Variants in EPHA3 observed in about 807,000 individuals in gnomAD.
EPHA3 encodes EPH receptor A3.
EPHA3 carries 42 observed loss-of-function variants against 107.1 expected under a neutral mutation model. The ratio of observed to expected loss-of-function variants is 0.39; its 90% CI spans 0.31 to 0.51. The LOEUF is 0.51. EPHA3 is among the 20% of genes least tolerant of loss of function. EPHA3 has a pLI of 0.78. For synonymous variants in EPHA3, 461 were observed against 424.8 expected, an observed-to-expected ratio of 1.09 and a Z score of -1.05; for missense variants, 1,183 against 1,211.2, an observed-to-expected ratio of 0.98 and a Z score of 0.35.
chr3:89,448,130 A>G (rs1293100643), intron 13 of EPHA3, among the ~76,000 whole-genome samples: 1 of 152,122 alleles, frequency 6.6e-6, no homozygotes, highest in East Asian at 1.9e-4. Context: ...CACGTTCCAC[A>G]TTACGGTGGC....
intron 5 of EPHA3, among the ~76,000 whole-genome samples, chr3:89,390,482 C>A (rs958388501): frequency 6.6e-6 from 1 of 151,840 alleles, no homozygotes; most frequent in African/African-American, 2.4e-5. Flanking sequence ...CGCCTGTAAT[C>A]CCAGCTACTC....
chr3:89,149,915 A>T (rs2107040102), intron 2 of EPHA3, among the ~76,000 whole-genome samples: 1 of 152,106 alleles, frequency 6.6e-6, no homozygotes, highest in East Asian at 1.9e-4. Flanking sequence ...AGCTGTTATA[A>T]TAAACAAATT....
chr3:89,345,194 A>G (rs1434875819), intron 5 of EPHA3, among the ~76,000 whole-genome samples: 2 of 151,272 alleles, frequency 1.3e-5, no homozygotes, highest in Non-Finnish European at 3.0e-5. Context: ...TCAGACTAGA[A>G]TAAGGAGCAC....
intron 3 of EPHA3, among the ~76,000 whole-genome samples, chr3:89,219,753 G>GGCTGGAGT (rs1445272405): frequency 1.9e-5 from 2 of 103,790 alleles, no homozygotes; most frequent in African/African-American, 7.1e-5. Flanking sequence ...CTGTCGCCCA[G>GGCTGGAGT]GCTGGAGTGC....
At chr3:89,241,327 G>GGT (rs1704891197) in intron 3 of EPHA3, among the ~76,000 whole-genome samples, 2 of 152,156 alleles carry the variant, frequency 1.3e-5, no homozygotes, top group African/African-American at 4.8e-5. Flanking sequence ...ACCTACTGTA[G>GGT]CTAAATATTA....
intron 13 of EPHA3, among the ~76,000 whole-genome samples, chr3:89,439,096 G>A (rs1709731640): frequency 6.6e-6 from 1 of 152,174 alleles, no homozygotes; most frequent in South Asian, 2.1e-4. Context: ...AGAGAAATTG[G>A]TAAAATGACA....
intron 3 of EPHA3, among the ~76,000 whole-genome samples, chr3:89,331,501 A>G (rs1707289327): frequency 2.0e-5 from 3 of 152,268 alleles, no homozygotes; most frequent in African/African-American, 7.2e-5. Flanking sequence ...AGGTCATCAC[A>G]CTTTTTTTCT....
intron 1 of EPHA3, among the ~76,000 whole-genome samples, chr3:89,109,420 C>T (rs1707048241): frequency 6.6e-6 from 1 of 151,756 alleles, no homozygotes; most frequent in Admixed American, 6.6e-5. Context: ...AAAATATTGA[C>T]AATAACTAGA....
intron 2 of EPHA3, among the ~76,000 whole-genome samples, chr3:89,134,459 C>T (rs540285747): frequency 6.6e-5 from 10 of 151,866 alleles, no homozygotes; most frequent in East Asian, 1.9e-4. Flanking sequence ...TGAGTGAGAA[C>T]GTGCGATGTT....
intron 3 of EPHA3, among the ~76,000 whole-genome samples, chr3:89,218,002 T>A (rs1683235191): frequency 6.6e-6 from 1 of 152,190 alleles, no homozygotes; most frequent in African/African-American, 2.4e-5. Context: ...TATCTCATAC[T>A]TCTACATTGA....
intron 3 of EPHA3, among the ~76,000 whole-genome samples, chr3:89,222,330 T>C (rs200719487): frequency 1.0e-4 from 1 of 9,800 alleles, no homozygotes; most frequent in Non-Finnish European, 3.8e-4. Flanking sequence ...CATATACATA[T>C]ATATATATAT....
chr3:89,333,874 T>G (rs1707342579), intron 3 of EPHA3, among the ~76,000 whole-genome samples: 1 of 150,804 alleles, frequency 6.6e-6, no homozygotes, highest in Non-Finnish European at 1.5e-5. Flanking sequence ...AGACTCCATC[T>G]CAAAAAGAAA....
intron 2 of EPHA3, among the ~76,000 whole-genome samples, chr3:89,180,795 T>C (rs1705426855): frequency 6.6e-6 from 1 of 151,966 alleles, no homozygotes; most frequent in Non-Finnish European, 1.5e-5. Context: ...GTACTTCACA[T>C]AAAATAAAAA....
At chr3:89,409,415 A>G (rs1709115137) in intron 9 of EPHA3, among the ~76,000 whole-genome samples, 1 of 151,924 alleles carries the variant, frequency 6.6e-6, no homozygotes, top group South Asian at 2.1e-4. Context: ...TGTAAATATC[A>G]TCTTTAGAGC....
intron 9 of EPHA3, among the ~76,000 whole-genome samples, chr3:89,412,865 C>T (rs988223484): frequency 2.0e-5 from 3 of 151,640 alleles, no homozygotes; most frequent in African/African-American, 7.3e-5. Context: ...TTCTTAAGAT[C>T]CCCTTTTTTG....
chr3:89,339,175 A>G (rs1225432540), intron 3 of EPHA3, among the ~76,000 whole-genome samples: 2 of 152,106 alleles, frequency 1.3e-5, no homozygotes, highest in Non-Finnish European at 2.9e-5. Context: ...GGTCGAGACC[A>G]GCCTGACCAA....
intron 15 of EPHA3, among the ~76,000 whole-genome samples, chr3:89,466,516 T>A (rs976670569): frequency 7.5e-6 from 1 of 133,446 alleles, no homozygotes; most frequent in African/African-American, 2.9e-5. Flanking sequence ...GAGCCAGGTG[T>A]GGGATATAGT....
intron 16 of EPHA3, among the ~76,000 whole-genome samples, chr3:89,477,329 A>G (rs1230242439): frequency 6.6e-6 from 1 of 152,134 alleles, no homozygotes; most frequent in Non-Finnish European, 1.5e-5. Flanking sequence ...AGCTCTCCAG[A>G]GAGGATTTAT....
intron 3 of EPHA3, among the ~76,000 whole-genome samples, chr3:89,305,730 G>A (rs1340390536): frequency 5.3e-5 from 8 of 151,932 alleles, no homozygotes; most frequent in Non-Finnish European, 1.0e-4. Flanking sequence ...TCACATTATC[G>A]CTTTCCCATG....
Sources: gnomAD v4.1 joint callset for allele counts (sites outside exome capture counted in the v4.1 genomes callset) on GRCh38, gnomAD v4.1.1 for gene constraint, MANE v1.5 for transcripts, NCBI Gene and HGNC (gene_info 2026-07-23, HGNC 2026-07-21) for gene names.